LRRC7: variants seen among roughly 807,000 people sequenced by gnomAD.
LRRC7 encodes leucine-rich repeat-containing protein 7.
LRRC7 carries 23 observed loss-of-function variants against 175.7 expected under a neutral mutation model. The observed-to-expected ratio is 0.13, with a 90% CI of 0.09 to 0.19. The LOEUF (loss-of-function observed/expected upper bound fraction) is 0.19, where lower values mean the gene tolerates loss of function less well. Among genes scored for constraint, LRRC7 ranks in the 10% least tolerant of loss-of-function variants. LRRC7 has a pLI of 1.00. For synonymous variants in LRRC7, 685 were observed against 680.9 expected, an observed-to-expected ratio of 1.01 and a Z score of -0.09; for missense variants, 1,354 against 1,904.7, an observed-to-expected ratio of 0.71 and a Z score of 5.38.
chr1:69,572,190 A>C (rs1348738661), intron 1 of LRRC7, among the ~76,000 whole-genome samples: 1 of 152,106 alleles, frequency 6.6e-6, no homozygotes, highest in Non-Finnish European at 1.5e-5. Flanking sequence ...CTCTTTGGAG[A>C]ATGTTGAAGT....
chr1:69,970,655 G>C (rs1482633465), intron 8 of LRRC7, among the ~76,000 whole-genome samples: 1 of 151,900 alleles, frequency 6.6e-6, no homozygotes, highest in Non-Finnish European at 1.5e-5. Context: ...CCAACAAAAA[G>C]AAGTCCAGGA....
At chr1:69,878,191 A>G (rs992679558) in intron 7 of LRRC7, among the ~76,000 whole-genome samples, 10 of 151,786 alleles carry the variant, frequency 6.6e-5, no homozygotes, top group Admixed American at 1.3e-4. Flanking sequence ...TGTCGTTACT[A>G]CTAGATTCTA....
rs571365907 is a variant in LRRC7 at position 69,910,588 on chromosome 1, G to A, written c.648-20919G>A. 7.9e-5 allele frequency among the ~76,000 whole-genome samples: 12 copies of A among 152,262 alleles called. No homozygotes were observed. The South Asian group carries it at 1.2e-3, about 16-fold the overall frequency. ...TTTTGTCTCAGAGGAGTACCCAGCC[G>A]TGTGAGGTGTCAGTCTTCCCCTACT... is the stretch of plus-strand genomic sequence containing the variant. On this transcript the variant is annotated intron_variant, in intron 7 of 26. Coordinates refer to ENST00000651989, the MANE Select transcript of LRRC7 (RefSeq NM_001370785.2).
chr1:69,727,937 G>A (rs1404300104), intron 2 of LRRC7, among the ~76,000 whole-genome samples: 1 of 152,152 alleles, frequency 6.6e-6, no homozygotes, highest in Non-Finnish European at 1.5e-5. Flanking sequence ...GTTCCCAGAA[G>A]GGATTTGAAT....
chr1:69,963,077 G>A (rs992769221), intron 8 of LRRC7, among the ~76,000 whole-genome samples: 1 of 152,122 alleles, frequency 6.6e-6, no homozygotes, highest in African/African-American at 2.4e-5. Flanking sequence ...GGCTGAAGGT[G>A]GGCGGATCAC....
chr1:69,882,454 C>T (rs6656579), intron 7 of LRRC7, among the ~76,000 whole-genome samples: 21,493 of 151,958 alleles, frequency 0.14, 2,247 homozygotes, highest in African/African-American at 0.3. Flanking sequence ...ATGGAAACAA[C>T]GTAAATGCCT....
chr1:70,005,717 G>A (rs776933082), intron 11 of LRRC7, among the ~76,000 whole-genome samples: 39 of 152,256 alleles, frequency 2.6e-4, no homozygotes, highest in Non-Finnish European at 4.9e-4. Context: ...GATTTGGAAA[G>A]GTTTTATTTA....
intron 23 of LRRC7, among the ~76,000 whole-genome samples, chr1:70,074,408 G>T (rs145234392): frequency 5.9e-5 from 9 of 152,274 alleles, no homozygotes; most frequent in Non-Finnish European, 1.3e-4. Context: ...GGCTGAAAAG[G>T]CTGCAATATC....
At chr1:69,893,419 A>G (rs1026334220) in intron 7 of LRRC7, among the ~76,000 whole-genome samples, 2 of 152,226 alleles carry the variant, frequency 1.3e-5, no homozygotes, top group African/African-American at 4.8e-5. Context: ...GAGCATAAAA[A>G]TATTTCCCAT....
At chr1:69,575,208 A>G (rs1173616904) in intron 1 of LRRC7, among the ~76,000 whole-genome samples, 3 of 152,146 alleles carry the variant, frequency 2.0e-5, no homozygotes, top group Non-Finnish European at 4.4e-5. Flanking sequence ...AGAAATAGCA[A>G]TAAAATCAGG....
At chr1:69,696,973 T>C (rs1298534187) in intron 2 of LRRC7, among the ~76,000 whole-genome samples, 1 of 152,200 alleles carries the variant, frequency 6.6e-6, no homozygotes, top group Non-Finnish European at 1.5e-5. Context: ...GACTAACACA[T>C]CTGATAATAG....
intron 1 of LRRC7, among the ~76,000 whole-genome samples, chr1:69,579,281 T>G (rs2100909880): frequency 6.6e-6 from 1 of 152,278 alleles, no homozygotes; most frequent in Admixed American, 6.5e-5. Context: ...TCACACTGAG[T>G]AAAGATCACC....
intron 1 of LRRC7, among the ~76,000 whole-genome samples, chr1:69,615,692 G>A (rs967709874): frequency 6.6e-6 from 1 of 151,954 alleles, no homozygotes; most frequent in Non-Finnish European, 1.5e-5. Flanking sequence ...GTTAATAAAG[G>A]AAGAAATTTG....
In LRRC7 at chr1:69,568,578, A is replaced by G; in HGVS notation, c.-62A>G. On this transcript the variant is annotated 5_prime_UTR_variant, in exon 1 of 27. It adds an upstream start codon to the 5' untranslated region. Transcript: ENST00000651989. ...GCGGACCCCTGAACACTTAAGGAATAACCCTTGGCAGCTGCACGACTACGC... is the reference window on the plus strand; with the variant it reads ...GCGGACCCCTGAACACTTAAGGAATGACCCTTGGCAGCTGCACGACTACGC... 1 of 1,340,872 alleles carries G rather than the reference A, an allele frequency of 7.5e-7. No homozygotes were observed. Among genetic ancestry groups the G allele is most frequent in the Non-Finnish European group, 9.9e-7 (1 of 1,010,444 alleles). 83.1% of individuals were successfully genotyped at this position (1,340,872 alleles called of 1,614,324 possible).
chr1:69,856,195 T>G (rs1259359807), intron 7 of LRRC7, among the ~76,000 whole-genome samples: 3 of 152,192 alleles, frequency 2.0e-5, no homozygotes, highest in African/African-American at 7.2e-5. Flanking sequence ...TTTTGCTTAT[T>G]AGTTGATGCA....
intron 11 of LRRC7, among the ~76,000 whole-genome samples, chr1:70,010,736 A>G (rs1394171548): frequency 6.6e-6 from 1 of 152,146 alleles, no homozygotes; most frequent in Non-Finnish European, 1.5e-5. Context: ...AACAATACCA[A>G]CGCCAACTGC....
intron 10 of LRRC7, among the ~76,000 whole-genome samples, chr1:69,990,664 A>T (rs1289865757): frequency 3.3e-5 from 5 of 152,196 alleles, no homozygotes; most frequent in Non-Finnish European, 7.3e-5. Context: ...TACTTAATAG[A>T]AATGAAGCTG....
At chr1:70,117,131 C>T (rs1665913381) in intron 26 of LRRC7, among the ~76,000 whole-genome samples, 1 of 152,322 alleles carries the variant, frequency 6.6e-6, no homozygotes, top group Non-Finnish European at 1.5e-5. Context: ...AACCAGAAAT[C>T]ACATGCCCAT....
At chr1:69,852,887 T>C (rs1032988459) in intron 7 of LRRC7, among the ~76,000 whole-genome samples, 5 of 152,168 alleles carry the variant, frequency 3.3e-5, no homozygotes, top group Non-Finnish European at 2.9e-5. Flanking sequence ...TGTAAGGCAA[T>C]ATGGCCTTTT....
Sources: gnomAD v4.1 joint callset for allele counts (sites outside exome capture counted in the v4.1 genomes callset) on GRCh38, gnomAD v4.1.1 for gene constraint, MANE v1.5 for transcripts, NCBI Gene and HGNC (gene_info 2026-07-23, HGNC 2026-07-21) for gene names.